Variants in ITFG1 observed in about 807,000 individuals in gnomAD.
The protein encoded by ITFG1 is integrin alpha FG-GAP repeat containing 1.
Under a neutral mutation model 81.8 loss-of-function variants are expected in ITFG1, and 34 were observed. That is an observed-to-expected ratio of 0.42 (90% CI 0.32 to 0.55). The LOEUF (loss-of-function observed/expected upper bound fraction) is 0.55. Ranked by LOEUF, ITFG1 falls within the 20% of genes least tolerant of loss-of-function variation. The pLI is 0.17. For missense variants in ITFG1, 672 were observed against 755.4 expected, an observed-to-expected ratio of 0.89 and a Z score of 1.29; for synonymous variants, 285 against 270.6, an observed-to-expected ratio of 1.05 and a Z score of -0.52.
At chr16:47,418,711 T>C (rs954076557) in intron 6 of ITFG1, among the ~76,000 whole-genome samples, 2 of 152,228 alleles carry the variant, frequency 1.3e-5, no homozygotes, top group African/African-American at 4.8e-5. Flanking sequence ...CTGGGTTCTC[T>C]ATTCTGTTCC....
chr16:47,245,657 T>G (rs1965992424), intron 12 of ITFG1, among the ~76,000 whole-genome samples: 1 of 152,198 alleles, frequency 6.6e-6, no homozygotes, highest in Admixed American at 6.5e-5. Context: ...TGAAAGCTTT[T>G]GATATACACA....
intron 10 of ITFG1, among the ~76,000 whole-genome samples, chr16:47,282,868 A>T (rs1212986541): frequency 6.6e-6 from 1 of 152,078 alleles, no homozygotes; most frequent in Non-Finnish European, 1.5e-5. Context: ...CATGCTTGTC[A>T]GTCACTTGTA....
intron 10 of ITFG1, among the ~76,000 whole-genome samples, chr16:47,272,229 C>T (rs1019423654): frequency 6.6e-6 from 1 of 152,114 alleles, no homozygotes; most frequent in Non-Finnish European, 1.5e-5. Flanking sequence ...CAGAAAGCTA[C>T]AGAGACAGAA....
At chr16:47,386,669 T>A (rs1413476172) in intron 6 of ITFG1, among the ~76,000 whole-genome samples, 2 of 152,134 alleles carry the variant, frequency 1.3e-5, no homozygotes, top group African/African-American at 4.8e-5. Flanking sequence ...AAGCTACCAC[T>A]CCAATGCAGT....
chr16:47,369,048 A>C (rs1968216122), intron 7 of ITFG1, among the ~76,000 whole-genome samples: 1 of 152,156 alleles, frequency 6.6e-6, no homozygotes, highest in South Asian at 2.1e-4. Context: ...ATATAACTTC[A>C]TTTCCATTCA....
chr16:47,426,422 A>G (rs776995019), intron 6 of ITFG1: 15 of 151,480 alleles, frequency 9.9e-5, no homozygotes, highest in African/African-American at 1.7e-4. Context: ...AAATGAACCT[A>G]TAAGTATAGA....
chr16:47,326,374 A>G (rs1280627780), intron 8 of ITFG1, among the ~76,000 whole-genome samples: 1 of 152,222 alleles, frequency 6.6e-6, no homozygotes, highest in Non-Finnish European at 1.5e-5. Context: ...ATCATACTGA[A>G]TGGACAAAAA....
chr16:47,191,902 C>A (rs1393009848), intron 14 of ITFG1, among the ~76,000 whole-genome samples: 1 of 152,164 alleles, frequency 6.6e-6, no homozygotes, highest in Non-Finnish European at 1.5e-5. Context: ...GCCTCGATAT[C>A]CTGGGCTTTA....
intron 8 of ITFG1, among the ~76,000 whole-genome samples, chr16:47,348,399 A>C (rs893927142): frequency 6.6e-6 from 1 of 152,260 alleles, no homozygotes; most frequent in Admixed American, 6.5e-5. Context: ...ATGCACAAGA[A>C]CTACGTGACA....
At chr16:47,318,297 G>T (rs577215734) in intron 8 of ITFG1, among the ~76,000 whole-genome samples, 127 of 152,198 alleles carry the variant, frequency 8.3e-4, no homozygotes, top group African/African-American at 3.0e-3. Flanking sequence ...AATAATCTTT[G>T]AGATGGTTTC....
intron 14 of ITFG1, among the ~76,000 whole-genome samples, chr16:47,195,423 C>T (rs575121606): frequency 6.6e-6 from 1 of 152,304 alleles, no homozygotes; most frequent in South Asian, 2.1e-4. Flanking sequence ...CTATGGCATT[C>T]CTGTCTCTCA....
At chr16:47,409,374 C>CTATATATATATATACATATATATATATA (rs1555514883) in intron 6 of ITFG1, among the ~76,000 whole-genome samples, 2 of 20,988 alleles carry the variant, frequency 9.5e-5, no homozygotes, top group African/African-American at 2.7e-4. Context: ...TACACACACA[C>CTATATATATATATACATATATATATATA]TATATATATA....
At chr16:47,437,589 G>A (rs1372006621) in intron 5 of ITFG1, among the ~76,000 whole-genome samples, 1 of 152,150 alleles carries the variant, frequency 6.6e-6, no homozygotes, top group African/African-American at 2.4e-5. Context: ...AAAAATAACT[G>A]GGTATGAGCT....
At chr16:47,180,839 C>T (rs1409917279) in intron 14 of ITFG1, among the ~76,000 whole-genome samples, 13 of 150,982 alleles carry the variant, frequency 8.6e-5, no homozygotes, top group East Asian at 2.0e-4. Flanking sequence ...TCTGCCTGGC[C>T]GCCCATCGTC....
At chr16:47,386,572 CA>C (rs1968465159) in intron 6 of ITFG1, among the ~76,000 whole-genome samples, 1 of 152,242 alleles carries the variant, frequency 6.6e-6, no homozygotes, top group African/African-American at 2.4e-5. Flanking sequence ...TCGTGCAGCA[CA>C]CTAAGAATGG....
intron 8 of ITFG1, among the ~76,000 whole-genome samples, chr16:47,341,501 G>A (rs1020557271): frequency 1.3e-5 from 2 of 150,446 alleles, no homozygotes; most frequent in Admixed American, 6.6e-5. Context: ...CACAAAGGCA[G>A]TACTTGGGGG....
At chr16:47,217,850 G>A (rs1319544543) in intron 14 of ITFG1, among the ~76,000 whole-genome samples, 5 of 152,286 alleles carry the variant, frequency 3.3e-5, no homozygotes, top group East Asian at 1.9e-4. Flanking sequence ...GCGGGAACCC[G>A]GGAGGCGGAG....
intron 8 of ITFG1, among the ~76,000 whole-genome samples, chr16:47,348,915 T>C (rs1411311586): frequency 6.6e-6 from 1 of 152,180 alleles, no homozygotes; most frequent in Non-Finnish European, 1.5e-5. Flanking sequence ...TCAACATTCT[T>C]AAAGAAAAGA....
chr16:47,226,494 T>C (rs889999979), intron 13 of ITFG1, among the ~76,000 whole-genome samples: 2 of 151,934 alleles, frequency 1.3e-5, no homozygotes, highest in East Asian at 1.9e-4. Context: ...TTAGCATTAG[T>C]TATATCACCT....
Sources: allele counts gnomAD v4.1 joint callset (sites outside exome capture counted in the v4.1 genomes callset), GRCh38; gene constraint gnomAD v4.1.1; transcripts MANE v1.5; gene names NCBI Gene and HGNC (gene_info 2026-07-23, HGNC 2026-07-21).